Variants in ZFHX3 observed in about 807,000 individuals in gnomAD.
The protein encoded by ZFHX3 is zinc finger homeobox protein 3.
In ZFHX3, 42 loss-of-function variants were observed where a neutral mutation model predicts 279.1. The ratio of observed to expected loss-of-function variants is 0.15; its 90% CI spans 0.12 to 0.19. ZFHX3 has a LOEUF of 0.19. Among genes scored for constraint, ZFHX3 ranks in the 10% least tolerant of loss-of-function variants. The pLI, the probability that ZFHX3 is intolerant of heterozygous loss-of-function variation, is 1.00. For missense variants in ZFHX3, 4,981 were observed against 4,754.0 expected, an observed-to-expected ratio of 1.05 and a Z score of -1.40; for synonymous variants, 2,293 against 1,957.8, an observed-to-expected ratio of 1.17 and a Z score of -4.52.
intron 1 of ZFHX3, among the ~76,000 whole-genome samples, chr16:73,881,901 C>T (rs2030179697): frequency 6.6e-6 from 1 of 152,044 alleles, no homozygotes; most frequent in African/African-American, 2.4e-5. Flanking sequence ...CCGCAGCTCC[C>T]CTCCAGTTTC....
At chr16:73,804,988 C>T (rs1960240828) in intron 1 of ZFHX3, among the ~76,000 whole-genome samples, 1 of 141,558 alleles carries the variant, frequency 7.1e-6, no homozygotes, top group Non-Finnish European at 1.5e-5. Context: ...GAGAGAGACT[C>T]ATATATTTAT....
chr16:73,874,522 C>T (rs1314475183), intron 1 of ZFHX3, among the ~76,000 whole-genome samples: 1 of 152,228 alleles, frequency 6.6e-6, no homozygotes, highest in African/African-American at 2.4e-5. Context: ...TAAATGTACA[C>T]ACTCACTGCT....
At chr16:73,821,036 C>G (rs139686045) in intron 1 of ZFHX3, among the ~76,000 whole-genome samples, 1 of 152,100 alleles carries the variant, frequency 6.6e-6, no homozygotes, top group African/African-American at 2.4e-5. Flanking sequence ...GTCTAGAGAG[C>G]GTGAGTCTCC....
In ZFHX3 at chr16:73,881,486, C is replaced by CT. The variant is rs1555506571; in HGVS notation, c.-1608+10164_-1608+10165insA. 2.5e-5 allele frequency among the ~76,000 whole-genome samples: 2 copies of CT among 80,688 alleles called. 1 individual carries two copies. The highest frequency in any genetic ancestry group is 9.8e-4 in the East Asian group (2 of 2,036). 52.9% of individuals were successfully genotyped at this position (80,688 alleles called of 152,430 possible). A position where few individuals can be genotyped will look rare whatever the true frequency, so the allele number is the denominator to read the frequency against. On this transcript the variant is annotated intron_variant, in intron 1 of 17. Transcript: ENST00000641206. ...TCTCTCTCTCTCTCTCTCTGCCCCC[C>CT]CCCCCCACTCTGCCCATGGTTACTG...
chr16:73,332,013 C>T (rs61671127), intron 3 of ZFHX3, among the ~76,000 whole-genome samples: 1 of 152,136 alleles, frequency 6.6e-6, no homozygotes, highest in Non-Finnish European at 1.5e-5. Flanking sequence ...ATTCTCTTAC[C>T]CATGTTCAAC....
At chr16:73,305,024 A>G (rs990618123) in intron 4 of ZFHX3, among the ~76,000 whole-genome samples, 1 of 151,766 alleles carries the variant, frequency 6.6e-6, no homozygotes, top group African/African-American at 2.4e-5. Context: ...AGATCTCTTT[A>G]CCCCCTTGCC....
At chr16:73,352,558 C>T (rs1267226081) in intron 3 of ZFHX3, among the ~76,000 whole-genome samples, 1 of 140,632 alleles carries the variant, frequency 7.1e-6, no homozygotes, top group Non-Finnish European at 1.5e-5. Context: ...CGACTCACTG[C>T]AATCTCTGCC....
intron 5 of ZFHX3, among the ~76,000 whole-genome samples, chr16:73,256,639 C>G (rs760972902): frequency 8.5e-5 from 13 of 152,314 alleles, no homozygotes; most frequent in Non-Finnish European, 1.5e-4. Context: ...GTTTCTCAGT[C>G]TTTGCAAGGG....
chr16:73,601,167 T>C (rs1387483480), intron 2 of ZFHX3, among the ~76,000 whole-genome samples: 3 of 151,948 alleles, frequency 2.0e-5, no homozygotes, highest in Non-Finnish European at 2.9e-5. Flanking sequence ...TTAACAATTG[T>C]TTGGGCCAGG....
At chr16:72,868,843 T>G (rs1167310945) in intron 4 of ZFHX3, among the ~76,000 whole-genome samples, 2 of 100,000 alleles carry the variant, frequency 2.0e-5, no homozygotes, top group Non-Finnish European at 4.5e-5. Flanking sequence ...AACAACCCTA[T>G]TGTACATACA....
intron 1 of ZFHX3, among the ~76,000 whole-genome samples, chr16:72,995,450 G>C (rs533885730): frequency 6.6e-6 from 1 of 152,174 alleles, no homozygotes. Context: ...ATAACTTCCA[G>C]TCCTGAAATA....
At chr16:73,733,921 T>C (rs564643794) in intron 1 of ZFHX3, among the ~76,000 whole-genome samples, 1 of 152,336 alleles carries the variant, frequency 6.6e-6, no homozygotes, top group Admixed American at 6.5e-5. Context: ...TAACTATGCC[T>C]GGTAACAGTG....
intron 4 of ZFHX3, among the ~76,000 whole-genome samples, chr16:72,881,001 C>A (rs2038451718): frequency 6.6e-6 from 1 of 152,196 alleles, no homozygotes; most frequent in African/African-American, 2.4e-5. Context: ...AAAAGATGTA[C>A]CCTATCCAGG....
intron 1 of ZFHX3, among the ~76,000 whole-genome samples, chr16:73,737,716 T>C (rs1182806076): frequency 6.6e-6 from 1 of 152,040 alleles, no homozygotes; most frequent in Non-Finnish European, 1.5e-5. Flanking sequence ...TGACATTATA[T>C]AGTAAAGTTT....
At chr16:73,713,801 G>A (rs567664332) in intron 1 of ZFHX3, among the ~76,000 whole-genome samples, 1 of 152,048 alleles carries the variant, frequency 6.6e-6, no homozygotes, top group Admixed American at 6.6e-5. Flanking sequence ...ATCCTGTTCA[G>A]GCTACAAACT....
At chr16:73,709,380 G>A (rs191861884) in intron 1 of ZFHX3, among the ~76,000 whole-genome samples, 12 of 149,688 alleles carry the variant, frequency 8.0e-5, no homozygotes, top group Non-Finnish European at 1.6e-4. Context: ...GAGAGATCCT[G>A]TCTCTTAAAA....
chr16:73,498,458 A>G (rs1051313039), intron 2 of ZFHX3, among the ~76,000 whole-genome samples: 1 of 152,256 alleles, frequency 6.6e-6, no homozygotes, highest in Non-Finnish European at 1.5e-5. Flanking sequence ...GTTTGCACAC[A>G]TCAATGAAAA....
At chr16:73,700,143 A>C (rs961323495) in intron 1 of ZFHX3, among the ~76,000 whole-genome samples, 3 of 152,108 alleles carry the variant, frequency 2.0e-5, no homozygotes, top group East Asian at 1.9e-4. Context: ...GGATCACTTG[A>C]GCTGGGAAAT....
intron 1 of ZFHX3, among the ~76,000 whole-genome samples, chr16:72,982,869 A>C (rs17681554): frequency 0.39 from 59,539 of 152,000 alleles, 11,959 homozygotes; most frequent in Non-Finnish European, 0.42. Flanking sequence ...TATTTGTAAA[A>C]AGATGTAATA....
Sources: allele counts gnomAD v4.1 joint callset (sites outside exome capture counted in the v4.1 genomes callset), GRCh38; gene constraint gnomAD v4.1.1; transcripts MANE v1.5; gene names NCBI Gene and HGNC (gene_info 2026-07-23, HGNC 2026-07-21).